Variants in CPZ observed in about 807,000 individuals in gnomAD.
CPZ encodes VEZT/CPZ fusion.
CPZ carries 103 observed loss-of-function variants against 61.8 expected under a neutral mutation model. The ratio of observed to expected loss-of-function variants is 1.67; its 90% CI spans 1.42 to 1.96. CPZ has a LOEUF of 1.96. Ranked by LOEUF, CPZ falls within the 30% of genes most tolerant of loss-of-function variation. CPZ has a pLI of 0.00. For missense variants in CPZ, 1,461 were observed against 914.9 expected, an observed-to-expected ratio of 1.60 and a Z score of -7.70; for synonymous variants, 551 against 373.7, an observed-to-expected ratio of 1.47 and a Z score of -5.47.
In CPZ at chr4:8,601,040, G is replaced by A. The variant is rs541527791; in HGVS notation, c.122-83G>A. On this transcript the variant is annotated intron_variant, in intron 2 of 10. Coordinates refer to ENST00000360986, the MANE Select transcript of CPZ (RefSeq NM_001014447.3). ...CCCTCCCTGCAGGCCCTGGCCCTGC[G>A]TGGGGTCCCCTACGTAAATGTCTGA... 90 of 1,476,104 alleles carry A rather than the reference G, an allele frequency of 6.1e-5. No individual in the cohort carries two copies. In the African/African-American group the frequency reaches 1.0e-3, roughly 17 times the overall value. The allele number at this position is 1,476,104 out of a possible 1,614,324, so 91.4% of individuals were successfully genotyped here. A position where few individuals can be genotyped will look rare whatever the true frequency, so the allele number is the denominator to read the frequency against.
At position 8,606,780 on chromosome 4, in the gene CPZ, A is replaced by G. The variant is rs201140095; in HGVS notation, c.950A>G (p.Gln317Arg). 6.2e-7 allele frequency: 1 copy of G among 1,614,190 alleles called. No homozygotes were observed. Among genetic ancestry groups the G allele is most frequent in the East Asian group, 2.2e-5 (1 of 44,886 alleles). Residue 317 changes from glutamine to arginine, a missense_variant, in exon 6 of 11, where the codon CAG becomes CGG. By Grantham distance (43) the Gln-to-Arg change is conservative. Coordinates refer to ENST00000360986, the MANE Select transcript of CPZ (RefSeq NM_001014447.3). Reference sequence around the variant, plus strand: ...TGGACGAGCGGGAGGCAGAACGCGCAGAACCTGGATCTGAACCGAAATTTC... The same window carrying G: ...TGGACGAGCGGGAGGCAGAACGCGCGGAACCTGGATCTGAACCGAAATTTC... ...NGWTSGRQNA[Q>R]NLDLNRNFPD...
chr4:8,618,276 A>G, intron 9 of CPZ, 153 bp from the exon 10 acceptor site: 4 of 650,638 alleles, frequency 6.1e-6, no homozygotes, highest in Non-Finnish European at 1.1e-5. Flanking sequence ...GACTCGTTAA[A>G]GATGGCAGAG....
intron 7 of CPZ, among the ~76,000 whole-genome samples, chr4:8,610,232 C>CG (rs1035014257): frequency 8.5e-5 from 13 of 152,252 alleles, no homozygotes; most frequent in African/African-American, 3.1e-4. Flanking sequence ...ATCTGTGTCT[C>CG]TTCCTTGCCC....
intron 9 of CPZ, chr4:8,618,052 C>T (rs1330444295): frequency 3.0e-5 from 8 of 268,054 alleles, no homozygotes; most frequent in Non-Finnish European, 5.1e-5. Context: ...TCAGGAGCCT[C>T]AGCTCAGAGG....
At chr4:8,594,165 A>G (rs976149567) in intron 1 of CPZ, among the ~76,000 whole-genome samples, 2 of 152,226 alleles carry the variant, frequency 1.3e-5, no homozygotes, top group African/African-American at 4.8e-5. Context: ...CAGCCGTGGC[A>G]TCGGCAAGTG....
At chr4:8,611,439 G>A (rs1715670384) in intron 7 of CPZ, among the ~76,000 whole-genome samples, 1 of 152,168 alleles carries the variant, frequency 6.6e-6, no homozygotes, top group South Asian at 2.1e-4. Context: ...GGCAGATCCT[G>A]TGAGCTGTGT....
At position 8,606,731 on chromosome 4, in the gene CPZ, T is replaced by A; in HGVS notation, c.907-6T>A. ...CCACCCAGTCGGGGGTTGGCCATGTTTTCAGGGTGCCGGCTACAACGGGTG... is the reference window on the plus strand; with the variant it reads ...CCACCCAGTCGGGGGTTGGCCATGTATTCAGGGTGCCGGCTACAACGGGTG... On this transcript the variant is annotated splice_polypyrimidine_tract_variant and splice_region_variant and intron_variant, in intron 5 of 10. Coordinates refer to ENST00000360986, the MANE Select transcript of CPZ (RefSeq NM_001014447.3). 6.2e-7 allele frequency: 1 copy of A among 1,614,100 alleles called. No homozygotes were observed. The highest frequency in any genetic ancestry group is 8.5e-7 in the Non-Finnish European group (1 of 1,180,008).
At chr4:8,613,923 G>C (rs974688318) in intron 8 of CPZ, among the ~76,000 whole-genome samples, 13 of 152,262 alleles carry the variant, frequency 8.5e-5, no homozygotes, top group African/African-American at 3.1e-4. Context: ...GATGCCAGGG[G>C]CCTGTGCGGC....
Position 8,611,291 on chromosome 4 carries a change from G to A in CPZ, c.1228-736G>A, listed in dbSNP as rs114612013. On this transcript the variant is annotated intron_variant, in intron 7 of 10. Coordinates refer to ENST00000360986, the MANE Select transcript of CPZ (RefSeq NM_001014447.3). ...CAAGGTCAGTCTGGGACTTACAGACGGCCCAGAGCCCCCACAAAGGAGGAT... is the reference window on the plus strand; with the variant it reads ...CAAGGTCAGTCTGGGACTTACAGACAGCCCAGAGCCCCCACAAAGGAGGAT... 2.2e-3 allele frequency: 1,023 copies of A among 456,218 alleles called. 1 individual carries two copies. Among genetic ancestry groups the A allele is most frequent in the African/African-American group, 0.017 (847 of 50,186 alleles). The allele number at this position is 456,218 out of a possible 1,614,324, so 28.3% of individuals were successfully genotyped here. A position where few individuals can be genotyped will look rare whatever the true frequency, so the allele number is the denominator to read the frequency against.
Position 8,619,616 on chromosome 4 carries a change from A to AGCCCCG in CPZ, c.*5_*10dup. The AGCCCCG allele has an allele frequency of 1.3e-6, 2 of 1,487,854 alleles. No homozygotes were observed. The allele number at this position is 1,487,854 out of a possible 1,614,324, so 92.2% of individuals were successfully genotyped here. A position where few individuals can be genotyped will look rare whatever the true frequency, so the allele number is the denominator to read the frequency against. On this transcript the variant is annotated inframe_insertion and stop_retained_variant, in exon 11 of 11. Coordinates refer to ENST00000360986, the MANE Select transcript of CPZ (RefSeq NM_001014447.3). The stretch of plus-strand genomic sequence containing the variant: ...AGGCCACGCTGGCTGCTCAAGTACT[A>AGCCCCG]GCCCCGGCCCCAGCACCCGCCAGGA...
At chr4:8,605,755 ATATT>A (rs1714940618) in intron 4 of CPZ, among the ~76,000 whole-genome samples, 2 of 151,566 alleles carry the variant, frequency 1.3e-5, no homozygotes, top group African/African-American at 4.9e-5. Context: ...ATGATAACAT[ATATT>A]ATTCATATTC....
rs781496688 is a variant in CPZ at position 8,607,445 on chromosome 4, T to G, written c.1227+20T>G. ...GAGAAGGTGAGAGGGCTGTCGGGTG[T>G]GTGCAGGGGAGGGAGACAGTGTGCG... On this transcript the variant is annotated intron_variant, in intron 7 of 10. Transcript: ENST00000360986. 12 of 1,612,136 alleles carry G rather than the reference T, an allele frequency of 7.4e-6. No homozygotes were observed. The highest frequency in any genetic ancestry group is 1.1e-5 in the South Asian group (1 of 90,900).
At chr4:8,614,134 C>T (rs893660549) in intron 8 of CPZ, among the ~76,000 whole-genome samples, 1 of 152,252 alleles carries the variant, frequency 6.6e-6, no homozygotes, top group African/African-American at 2.4e-5. Context: ...ATATGGTCCA[C>T]CTTGCAGTTG....
chr4:8,613,921 G>C (rs571545900), intron 8 of CPZ, among the ~76,000 whole-genome samples: 101 of 152,370 alleles, frequency 6.6e-4, no homozygotes, highest in Non-Finnish European at 7.1e-4. Flanking sequence ...GGGATGCCAG[G>C]GGCCTGTGCG....
At chr4:8,594,426 G>A (rs1204747087) in intron 1 of CPZ, among the ~76,000 whole-genome samples, 4 of 152,206 alleles carry the variant, frequency 2.6e-5, no homozygotes, top group Non-Finnish European at 5.9e-5. Flanking sequence ...GCCTGGGGAC[G>A]GAGGTAATTT....
intron 7 of CPZ, among the ~76,000 whole-genome samples, chr4:8,609,325 TCAC>T (rs1330416181): frequency 1.0e-4 from 6 of 57,336 alleles, no homozygotes; most frequent in Non-Finnish European, 2.3e-4. Flanking sequence ...ACTTATTCAC[TCAC>T]TTTTTCACTC....
At chr4:8,609,212 TCA>T (rs1491237154) in intron 7 of CPZ, among the ~76,000 whole-genome samples, 4 of 45,592 alleles carry the variant, frequency 8.8e-5, no homozygotes, top group African/African-American at 2.1e-4. Context: ...ACTCACTTAC[TCA>T]TTCACTTACT....
chr4:8,612,676 G>A (rs768962876), intron 8 of CPZ, among the ~76,000 whole-genome samples: 6 of 152,210 alleles, frequency 3.9e-5, no homozygotes, highest in African/African-American at 1.2e-4. Context: ...CCCTTGGGGA[G>A]GCTGCACAGG....
At chr4:8,608,135 T>C (rs62288582) in intron 7 of CPZ, among the ~76,000 whole-genome samples, 213 of 137,634 alleles carry the variant, frequency 1.5e-3, no homozygotes, top group Middle Eastern at 3.8e-3. Flanking sequence ...GGCCCCAGCC[T>C]CCAGCCCCCA....
Sources: gnomAD v4.1 joint callset for allele counts (sites outside exome capture counted in the v4.1 genomes callset) on GRCh38, gnomAD v4.1.1 for gene constraint, MANE v1.5 for transcripts, NCBI Gene and HGNC (gene_info 2026-07-23, HGNC 2026-07-21) for gene names.